PTPRD: variants seen among roughly 807,000 people sequenced by gnomAD.
PTPRD encodes protein tyrosine phosphatase receptor type D.
A neutral mutation model predicts 214.5 loss-of-function variants in PTPRD; 34 were observed. That is an observed-to-expected ratio of 0.16 (90% CI 0.12 to 0.21). The LOEUF is 0.21. PTPRD is among the 10% of genes least tolerant of loss of function. The pLI is 1.00. For synonymous variants in PTPRD, 1,128 were observed against 845.7 expected (o/e 1.33, Z -5.79); for missense variants, 2,545 against 2,398.7 (o/e 1.06, Z -1.27).
intron 17 of PTPRD, among the ~76,000 whole-genome samples, chr9:8,525,508 C>T (rs766330478): frequency 6.6e-6 from 1 of 151,890 alleles, no homozygotes; most frequent in Non-Finnish European, 1.5e-5. Context: ...GCAGCGAGCA[C>T]AAAAAGGCTG....
chr9:8,801,615 C>G (rs895169677), intron 11 of PTPRD, among the ~76,000 whole-genome samples: 2 of 152,168 alleles, frequency 1.3e-5, no homozygotes, highest in African/African-American at 4.8e-5. Flanking sequence ...CCTCAGGAGG[C>G]TGAGTCAGGA....
intron 8 of PTPRD, among the ~76,000 whole-genome samples, chr9:9,452,599 T>C (rs925594334): frequency 1.3e-5 from 2 of 151,272 alleles, no homozygotes; most frequent in African/African-American, 2.4e-5. Context: ...ATAGCTAACT[T>C]ACTCATCTTT....
At chr9:9,904,207 C>A (rs2077036562) in intron 5 of PTPRD, among the ~76,000 whole-genome samples, 2 of 152,024 alleles carry the variant, frequency 1.3e-5, no homozygotes, top group African/African-American at 4.8e-5. Context: ...TTTTCTAAAT[C>A]TCAAATATGT....
chr9:10,507,675 C>T (rs2046497406), intron 2 of PTPRD, among the ~76,000 whole-genome samples: 1 of 152,140 alleles, frequency 6.6e-6, no homozygotes, highest in South Asian at 2.1e-4. Flanking sequence ...CTTTGACAAA[C>T]GTGACAAAAA....
intron 8 of PTPRD, among the ~76,000 whole-genome samples, chr9:9,501,600 G>C (rs1156583733): frequency 6.6e-6 from 1 of 151,812 alleles, no homozygotes; most frequent in East Asian, 1.9e-4. Flanking sequence ...CCAAAGACTG[G>C]AGAATAGATT....
At chr9:9,582,267 A>G (rs2090996473) in intron 7 of PTPRD, among the ~76,000 whole-genome samples, 1 of 152,162 alleles carries the variant, frequency 6.6e-6, no homozygotes, top group Non-Finnish European at 1.5e-5. Flanking sequence ...TTGGGTAAGC[A>G]AAGTCTAAAC....
intron 10 of PTPRD, among the ~76,000 whole-genome samples, chr9:9,116,734 T>C (rs2099812708): frequency 6.6e-6 from 1 of 152,156 alleles, no homozygotes. Flanking sequence ...CTTTCAGATC[T>C]TACCTTAAAT....
chr9:8,366,129 CAGAG>C (rs1049780087), intron 39 of PTPRD, among the ~76,000 whole-genome samples: 1 of 152,096 alleles, frequency 6.6e-6, no homozygotes, highest in African/African-American at 2.4e-5. Flanking sequence ...TGAACAAAAA[CAGAG>C]AGAAAAGAAA....
At chr9:8,445,443 T>G (rs1238911755) in intron 34 of PTPRD, among the ~76,000 whole-genome samples, 1 of 152,236 alleles carries the variant, frequency 6.6e-6, no homozygotes, top group Non-Finnish European at 1.5e-5. Flanking sequence ...CCCCGACCTG[T>G]TCAGGTGTTT....
At chr9:9,818,138 A>T (rs1192455167) in intron 5 of PTPRD, among the ~76,000 whole-genome samples, 2 of 152,210 alleles carry the variant, frequency 1.3e-5, no homozygotes, top group Admixed American at 1.3e-4. Context: ...ATGGAGAATG[A>T]CAAGGATTTA....
At chr9:9,471,275 T>C (rs929789936) in intron 8 of PTPRD, among the ~76,000 whole-genome samples, 20 of 152,328 alleles carry the variant, frequency 1.3e-4, no homozygotes, top group African/African-American at 4.8e-4. Context: ...TTGATATTTC[T>C]ATGAATGAAG....
Position 9,030,494 on chromosome 9 carries a change from T to C in PTPRD, c.-142-11759A>G, listed in dbSNP as rs538127805. 5.9e-5 allele frequency among the ~76,000 whole-genome samples: 9 copies of C among 151,808 alleles called. No homozygotes were observed. In the South Asian group the frequency reaches 1.9e-3, roughly 32 times the overall value. ...ACCAAGTCTCCTAACTTGAAAGCTATGTTTTTGTACTCCATCTGGCTGCCT... is the reference window on the plus strand; with the variant it reads ...ACCAAGTCTCCTAACTTGAAAGCTACGTTTTTGTACTCCATCTGGCTGCCT... On this transcript the variant is annotated intron_variant, in intron 10 of 45. Transcript: ENST00000381196.
intron 14 of PTPRD, among the ~76,000 whole-genome samples, chr9:8,594,169 C>A (rs1328228482): frequency 1.3e-5 from 2 of 152,246 alleles, no homozygotes; most frequent in African/African-American, 2.4e-5. Flanking sequence ...TAAATCTAAT[C>A]TCCAATCTCC....
Position 8,950,593 on chromosome 9 carries a change from T to C in PTPRD, c.-104+68104A>G, listed in dbSNP as rs191596873. ...AAACATATTTTCAGATGTCATAACATTGTATACAATAATATATAGGACTCT... is the reference window on the plus strand; with the variant it reads ...AAACATATTTTCAGATGTCATAACACTGTATACAATAATATATAGGACTCT... On this transcript the variant is annotated intron_variant, in intron 11 of 45. Coordinates refer to ENST00000381196, the MANE Select transcript of PTPRD (RefSeq NM_002839.4). 6.5e-3 allele frequency among the ~76,000 whole-genome samples: 995 copies of C among 152,220 alleles called. 13 individuals carry two copies. Among genetic ancestry groups the C allele is most frequent in the African/African-American group, 0.023 (949 of 41,564 alleles).
chr9:9,280,453 T>C (rs1947282180), intron 9 of PTPRD, among the ~76,000 whole-genome samples: 1 of 151,266 alleles, frequency 6.6e-6, no homozygotes. Flanking sequence ...TAAGACTAAT[T>C]TATAAAAATT....
At chr9:8,775,931 T>C (rs1038419483) in intron 11 of PTPRD, among the ~76,000 whole-genome samples, 1 of 152,272 alleles carries the variant, frequency 6.6e-6, no homozygotes, top group Middle Eastern at 3.5e-3. Flanking sequence ...TGATGTTTCA[T>C]TTAGGCTGGG....
At chr9:10,037,579 GGAA>G (rs1567236120) in intron 3 of PTPRD, among the ~76,000 whole-genome samples, 4 of 80,028 alleles carry the variant, frequency 5.0e-5, no homozygotes, top group African/African-American at 1.6e-4. Context: ...TTATAGCAGT[GGAA>G]AAAAAAAAAA....
chr9:9,075,770 A>G (rs565477016), intron 10 of PTPRD, among the ~76,000 whole-genome samples: 1 of 152,240 alleles, frequency 6.6e-6, no homozygotes, highest in South Asian at 2.1e-4. Context: ...ATAGTATTCC[A>G]TGATGTATAT....
chr9:9,842,858 T>G (rs990804419), intron 5 of PTPRD, among the ~76,000 whole-genome samples: 9 of 152,066 alleles, frequency 5.9e-5, no homozygotes, highest in African/African-American at 2.2e-4. Flanking sequence ...TGTTTCATAC[T>G]GAACATAATT....
Sources: allele counts gnomAD v4.1 joint callset (sites outside exome capture counted in the v4.1 genomes callset), GRCh38; gene constraint gnomAD v4.1.1; transcripts MANE v1.5; gene names NCBI Gene and HGNC (gene_info 2026-07-23, HGNC 2026-07-21).